AGPAT2: variants seen among roughly 807,000 people sequenced by gnomAD.
AGPAT2 encodes 1-acylglycerol-3-phosphate O-acyltransferase 2.
A neutral mutation model predicts 26.1 loss-of-function variants in AGPAT2; 18 were observed. The ratio of observed to expected loss-of-function variants is 0.69; its 90% CI spans 0.48 to 1.02. The LOEUF is 1.02. Ranked by LOEUF, AGPAT2 falls within the 50% of genes least tolerant of loss-of-function variation. The pLI, the probability that AGPAT2 is intolerant of heterozygous loss-of-function variation, is 0.00. For missense variants in AGPAT2, 415 were observed against 394.9 expected (o/e 1.05, Z -0.43); for synonymous variants, 200 against 174.2 (o/e 1.15, Z -1.16).
chr9:136,674,938 T>C lies in AGPAT2; in HGVS notation c.589-131A>G, dbSNP rs1178878355. 7 of 534,670 alleles carry C rather than the reference T, an allele frequency of 1.3e-5. No individual in the cohort carries two copies. In the East Asian group the frequency reaches 2.4e-4, roughly 18 times the overall value. The allele number at this position is 534,670 out of a possible 1,614,324, so 33.1% of individuals were successfully genotyped here. On this transcript the variant is annotated intron_variant, in intron 4 of 5. Coordinates refer to ENST00000371696, the MANE Select transcript of AGPAT2 (RefSeq NM_006412.4). ...CCTTCGCTGCTGCCATGGGTCCTTG[T>C]GGCTGTCCTGCCCCTGGGACCTGGG...
chr9:136,674,767 AAGG>A lies in AGPAT2; in HGVS notation c.626_628del (p.Ser209del), dbSNP rs745818951. ...GAAGAACTTCTTCTTGGTGTTGTAG[AAGG>A]AGGAGAAGGAAGAGTACACCACGGG... On this transcript the variant is annotated inframe_deletion, in exon 5 of 6. Transcript: ENST00000371696. 73 of 1,528,952 alleles carry A rather than the reference AAGG, an allele frequency of 4.8e-5. No homozygotes were observed. The highest frequency in any genetic ancestry group is 4.1e-4 in the South Asian group (32 of 78,800). 94.7% of individuals were successfully genotyped at this position (1,528,952 alleles called of 1,614,324 possible). A position where few individuals can be genotyped will look rare whatever the true frequency, so the allele number is the denominator to read the frequency against.
At chr9:136,679,395 C>T (rs911723487) in intron 1 of AGPAT2, among the ~76,000 whole-genome samples, 24 of 152,192 alleles carry the variant, frequency 1.6e-4, no homozygotes, top group African/African-American at 4.1e-4. Context: ...TCCAGCCGTC[C>T]GTCCCTGGAC....
chr9:136,687,129 A>G (rs1305002737), intron 1 of AGPAT2, 47 bp downstream of exon 1: 2 of 1,546,500 alleles, frequency 1.3e-6, no homozygotes, highest in Non-Finnish European at 1.7e-6. Flanking sequence ...GGGAAGCGGA[A>G]GCGGCGCGGC....
chr9:136,676,049 T>C (rs1846086142), intron 4 of AGPAT2, among the ~76,000 whole-genome samples: 1 of 152,104 alleles, frequency 6.6e-6, no homozygotes, highest in East Asian at 1.9e-4. Flanking sequence ...GGAATGGCTA[T>C]ACCCTGGCCT....
At chr9:136,679,387 C>T (rs1048342120) in intron 1 of AGPAT2, among the ~76,000 whole-genome samples, 2 of 152,200 alleles carry the variant, frequency 1.3e-5, no homozygotes, top group African/African-American at 2.4e-5. Context: ...GTGATGAGTC[C>T]AGCCGTCCGT....
chr9:136,681,415 A>G (rs1846159189), intron 1 of AGPAT2, among the ~76,000 whole-genome samples: 1 of 152,206 alleles, frequency 6.6e-6, no homozygotes, highest in Non-Finnish European at 1.5e-5. Flanking sequence ...GGCCATCTGC[A>G]CCAGCCACGT....
chr9:136,676,878 C>G, intron 3 of AGPAT2, 83 bp downstream of exon 3: 1 of 1,546,030 alleles, frequency 6.5e-7, no homozygotes. Context: ...TTTTTTCTGC[C>G]AAAACCAAGT....
Position 136,673,875 on chromosome 9 carries a change from CGCA to C in AGPAT2, c.711_713del (p.Ala239del), listed in dbSNP as rs1564289462. ...TGTCCACGAGCGCAGGGACGTCCGC[CGCA>C]GTGAGGCCGCTGGTGGGGATGGCTT... On this transcript the variant is annotated inframe_deletion, in exon 6 of 6. Transcript: ENST00000371696. The C allele has an allele frequency of 6.2e-7, 1 of 1,603,130 alleles. No homozygotes were observed. The highest frequency in any genetic ancestry group is 1.1e-5 in the South Asian group (1 of 89,314).
intron 1 of AGPAT2, among the ~76,000 whole-genome samples, chr9:136,679,622 CAAAAGCCGGCAGTTCACCAACAGGA>C (rs1261286987): frequency 6.6e-6 from 1 of 152,188 alleles, no homozygotes; most frequent in Non-Finnish European, 1.5e-5. Flanking sequence ...GACGAGGAGG[CAAAAGCCGGCAGTTCACCAACAGGA>C]AACACAGAAC....
intron 1 of AGPAT2, among the ~76,000 whole-genome samples, chr9:136,682,857 G>A (rs1846178516): frequency 6.6e-6 from 1 of 152,164 alleles, no homozygotes; most frequent in African/African-American, 2.4e-5. Context: ...AGGCACCTGG[G>A]CTGCTCCCAC....
intron 1 of AGPAT2, among the ~76,000 whole-genome samples, chr9:136,686,035 G>A (rs1846217059): frequency 6.6e-6 from 1 of 152,216 alleles, no homozygotes; most frequent in Admixed American, 6.5e-5. Context: ...ACACACGTCT[G>A]GCTGAGCAGC....
At chr9:136,674,856 G>T in intron 4 of AGPAT2, 49 bp from the exon 5 acceptor site, 1 of 1,389,614 alleles carries the variant, frequency 7.2e-7, no homozygotes, top group Non-Finnish European at 9.6e-7. Flanking sequence ...GACAGGCCAG[G>T]CACACCCCAG....
At position 136,673,576 on chromosome 9, in the gene AGPAT2, C is replaced by T. The variant is rs1158202802; in HGVS notation, c.*176G>A. On this transcript the variant is annotated 3_prime_UTR_variant, in exon 6 of 6. Transcript: ENST00000371696. ...CCAGCTGAGCCCCCTGCAGGGGACA[C>T]CAGGGGCCTGTGTCTGAGGCCAGTG... 6 of 697,756 alleles carry T rather than the reference C, an allele frequency of 8.6e-6. No individual in the cohort carries two copies. Among genetic ancestry groups the T allele is most frequent in the Non-Finnish European group, 1.3e-5 (6 of 460,056 alleles). 43.2% of individuals were successfully genotyped at this position (697,756 alleles called of 1,614,324 possible).
chr9:136,687,031 T>A lies in AGPAT2; in HGVS notation c.182+145A>T, dbSNP rs953671457. 21 of 918,924 alleles carry A rather than the reference T, an allele frequency of 2.3e-5. No homozygotes were observed. In the African/African-American group the frequency reaches 3.7e-4, roughly 16 times the overall value. The allele number at this position is 918,924 out of a possible 1,614,324, so 56.9% of individuals were successfully genotyped here. On this transcript the variant is annotated intron_variant, in intron 1 of 5. Transcript: ENST00000371696. ...TGACTCCGGGACCCCCTCCTGTGCCTGCCGCCGGCCCAGGCGCGCTCTCCC... is the reference window on the plus strand; with the variant it reads ...TGACTCCGGGACCCCCTCCTGTGCCAGCCGCCGGCCCAGGCGCGCTCTCCC...
chr9:136,677,697 G>A, intron 1 of AGPAT2, 141 bp from the exon 2 acceptor site: 1 of 1,032,060 alleles, frequency 9.7e-7, no homozygotes, highest in South Asian at 1.4e-5. Context: ...ACACAGGGGA[G>A]GGAGCCCCTG....
chr9:136,674,772 G>C lies in AGPAT2; in HGVS notation c.624C>G (p.Ser208=). The change falls in exon 5 of 6, where the codon TCC becomes TCG. Residue 208 remains serine (S), a synonymous_variant. Coordinates refer to ENST00000371696, the MANE Select transcript of AGPAT2 (RefSeq NM_006412.4). The part of the protein sequence containing the change: ...PIVPVVYSSF[S]SFYNTKKKFF... ...ACTTCTTCTTGGTGTTGTAGAAGGA[G>C]GAGAAGGAAGAGTACACCACGGGGA... 6.5e-7 allele frequency: 1 copy of C among 1,536,248 alleles called. No individual in the cohort carries two copies. The highest frequency in any genetic ancestry group is 8.8e-7 in the Non-Finnish European group (1 of 1,140,588).
Position 136,687,326 on chromosome 9 carries a change from A to C in AGPAT2, c.32T>G (p.Leu11Arg), listed in dbSNP as rs550860290. 2.6e-6 allele frequency: 4 copies of C among 1,565,092 alleles called. No individual in the cohort carries two copies. The Admixed American group carries it at 5.5e-5, about 21-fold the overall frequency. Reference protein sequence around the residue: MELWPCLAAALLLLLLLVQLS... With the variant: MELWPCLAAARLLLLLLVQLS... Reference sequence around the variant, plus strand: ...CTGCACCAGCAGCAGCAGCAACAGCAGCGCCGCGGCCAGACACGGCCACAG... The same window carrying C: ...CTGCACCAGCAGCAGCAGCAACAGCCGCGCCGCGGCCAGACACGGCCACAG... The change falls in exon 1 of 6, where the codon CTG (leucine) becomes CGG (arginine). Residue 11 changes from leucine to arginine, a missense_variant. Physicochemically the swap from Leu to Arg is moderately radical, Grantham distance 102. Transcript: ENST00000371696.
chr9:136,677,317 A>T, intron 2 of AGPAT2, 106 bp downstream of exon 2: 1 of 1,571,268 alleles, frequency 6.4e-7, no homozygotes, highest in Non-Finnish European at 8.7e-7. Context: ...GAGCTCGCCC[A>T]GGCACAGGCA....
intron 1 of AGPAT2, 86 bp from the exon 2 acceptor site, chr9:136,677,642 G>A (rs1239490246): frequency 3.9e-6 from 6 of 1,530,508 alleles, no homozygotes; most frequent in Non-Finnish European, 5.4e-6. Flanking sequence ...GGGTGTGGAG[G>A]AGGCTGGGGA....
Sources: allele counts gnomAD v4.1 joint callset (sites outside exome capture counted in the v4.1 genomes callset), GRCh38; gene constraint gnomAD v4.1.1; transcripts MANE v1.5; gene names NCBI Gene and HGNC (gene_info 2026-07-23, HGNC 2026-07-21).